Variants in FRK observed in about 807,000 individuals in gnomAD.
The protein encoded by FRK is tyrosine-protein kinase FRK.
FRK carries 51 observed loss-of-function variants against 56.4 expected under a neutral mutation model. The ratio of observed to expected loss-of-function variants is 0.90; its 90% CI spans 0.72 to 1.14. The LOEUF is 1.14. Ranked by LOEUF, FRK falls within the 50% of genes most tolerant of loss-of-function variation. The pLI, the probability that FRK is intolerant of heterozygous loss-of-function variation, is 0.00. For synonymous variants in FRK, 245 were observed against 217.9 expected (o/e 1.12, Z -1.10); for missense variants, 570 against 601.4 (o/e 0.95, Z 0.55).
chr6:115,980,786 A>C (rs1774168180), intron 2 of FRK, among the ~76,000 whole-genome samples: 1 of 152,094 alleles, frequency 6.6e-6, no homozygotes. Context: ...TTAATGCTTA[A>C]AATTATAATG....
chr6:116,066,359 C>G, the FRK span, among the ~76,000 whole-genome samples: 1 of 152,094 alleles, frequency 6.6e-6, no homozygotes, highest in South Asian at 2.1e-4. Flanking sequence ...GTTCCTCAAG[C>G]TTGCAGGCAG....
intron 2 of FRK, among the ~76,000 whole-genome samples, chr6:115,994,909 G>T (rs1401187852): frequency 6.6e-6 from 1 of 152,142 alleles, no homozygotes; most frequent in East Asian, 1.9e-4. Flanking sequence ...GGAGCTATGT[G>T]GTGCCTAGGG....
chr6:115,976,251 T>G (rs1773987721), intron 2 of FRK, among the ~76,000 whole-genome samples: 1 of 152,152 alleles, frequency 6.6e-6, no homozygotes, highest in Non-Finnish European at 1.5e-5. Flanking sequence ...AAAAGAATAC[T>G]GTGAGATTTT....
At chr6:116,054,694 T>G (rs1424196390) in intron 1 of FRK, among the ~76,000 whole-genome samples, 1 of 151,412 alleles carries the variant, frequency 6.6e-6, no homozygotes, top group East Asian at 1.9e-4. Flanking sequence ...TACTAGGTAT[T>G]ATTTTCATTT....
intron 1 of FRK, among the ~76,000 whole-genome samples, chr6:116,023,770 C>T (rs1775969379): frequency 6.6e-6 from 1 of 152,002 alleles, no homozygotes; most frequent in South Asian, 2.1e-4. Flanking sequence ...AACCTCTCAT[C>T]TATATAACCA....
At chr6:116,081,215 T>C in the FRK span, among the ~76,000 whole-genome samples, 2 of 152,198 alleles carry the variant, frequency 1.3e-5, no homozygotes, top group Non-Finnish European at 2.9e-5. Context: ...CAGTTCAAGA[T>C]GAGATTTCAG....
intron 1 of FRK, among the ~76,000 whole-genome samples, chr6:116,005,429 C>T (rs1775212908): frequency 6.6e-6 from 1 of 152,174 alleles, no homozygotes; most frequent in African/African-American, 2.4e-5. Context: ...GAATCGCAGG[C>T]TGGTTCCTAG....
intron 5 of FRK, among the ~76,000 whole-genome samples, chr6:115,951,753 T>C (rs151122149): frequency 2.0e-5 from 3 of 152,150 alleles, no homozygotes; most frequent in Admixed American, 6.5e-5. Context: ...CTGGAGGAAA[T>C]TGAGTGACAC....
intron 1 of FRK, among the ~76,000 whole-genome samples, chr6:116,056,019 C>A (rs1230851646): frequency 2.0e-5 from 3 of 152,074 alleles, no homozygotes; most frequent in Non-Finnish European, 2.9e-5. Flanking sequence ...GTCAAGTTGG[C>A]GAAGCAGAAA....
At chr6:116,083,915 C>T in the FRK span, among the ~76,000 whole-genome samples, 6 of 151,828 alleles carry the variant, frequency 4.0e-5, no homozygotes, top group African/African-American at 1.5e-4. Flanking sequence ...CCCACCTTGG[C>T]CTCCCAAAGC....
chr6:115,960,450 CG>C (rs1278615794), intron 4 of FRK, among the ~76,000 whole-genome samples: 1 of 150,296 alleles, frequency 6.7e-6, no homozygotes, highest in Non-Finnish European at 1.5e-5. Flanking sequence ...AACTGCAAGG[CG>C]GCAGCGAGGC....
chr6:116,070,254 C>T, the FRK span, among the ~76,000 whole-genome samples: 1 of 151,970 alleles, frequency 6.6e-6, no homozygotes, highest in Non-Finnish European at 1.5e-5. Context: ...ACAGCTGCTT[C>T]TTCTCAAAAA....
intron 1 of FRK, among the ~76,000 whole-genome samples, chr6:116,049,366 C>T (rs1279344789): frequency 6.6e-6 from 1 of 152,192 alleles, no homozygotes; most frequent in Non-Finnish European, 1.5e-5. Context: ...TTTAGAAATT[C>T]AGCTTGGTAA....
intron 2 of FRK, among the ~76,000 whole-genome samples, chr6:116,000,529 G>A (rs868601201): frequency 1.3e-5 from 2 of 151,958 alleles, no homozygotes; most frequent in African/African-American, 2.4e-5. Context: ...TTACAGGCAT[G>A]AGCCACCACA....
the FRK span, among the ~76,000 whole-genome samples, chr6:116,079,131 G>A: frequency 7.2e-5 from 11 of 151,810 alleles, no homozygotes; most frequent in South Asian, 2.1e-4. Flanking sequence ...TCTCTCTAGC[G>A]GTGAAATTGC....
At chr6:115,999,272 A>G (rs1314486713) in intron 2 of FRK, among the ~76,000 whole-genome samples, 1 of 152,240 alleles carries the variant, frequency 6.6e-6, no homozygotes, top group Admixed American at 6.5e-5. Flanking sequence ...ACTATCTGTC[A>G]TGCATCTAAT....
intron 1 of FRK, among the ~76,000 whole-genome samples, chr6:116,005,114 T>A (rs1318453419): frequency 6.6e-6 from 1 of 152,098 alleles, no homozygotes. Flanking sequence ...GGGAAGGAAT[T>A]GAAAAGAGAG....
At chr6:115,944,503 T>G (rs1277664052) in intron 5 of FRK, 78 bp from the exon 6 acceptor site, 1 of 1,117,858 alleles carries the variant, frequency 8.9e-7, no homozygotes, top group Non-Finnish European at 1.3e-6. Flanking sequence ...GAATTTTGAA[T>G]GTATGAGCTA....
rs1772145059 is a variant in FRK, at chr6:115,940,864, G to T, written c.*1550C>A. 1 of 152,218 alleles carries T rather than the reference G, an allele frequency of 6.6e-6. No individual in the cohort carries two copies. The highest frequency in any genetic ancestry group is 2.4e-5 in the African/African-American group (1 of 41,464). 9.4% of individuals were successfully genotyped at this position (152,218 alleles called of 1,614,324 possible). On this transcript the variant is annotated 3_prime_UTR_variant, in exon 8 of 8. Coordinates refer to ENST00000606080, the MANE Select transcript of FRK (RefSeq NM_002031.3). Reference sequence around the variant, plus strand: ...TTTTGGATGCCAAAGAGGATGTGGAGAAATAGGAACACATTTACACTTTTA... The same window carrying T: ...TTTTGGATGCCAAAGAGGATGTGGATAAATAGGAACACATTTACACTTTTA...
Sources: allele counts gnomAD v4.1 joint callset (sites outside exome capture counted in the v4.1 genomes callset), GRCh38; gene constraint gnomAD v4.1.1; transcripts MANE v1.5; gene names NCBI Gene and HGNC (gene_info 2026-07-23, HGNC 2026-07-21).